The following KCNK5 variants were observed in gnomAD, a reference collection of about 807,000 sequenced individuals.
KCNK5 encodes the protein potassium channel subfamily K member 5.
A neutral mutation model predicts 32.9 loss-of-function variants in KCNK5; 18 were observed. The ratio of observed to expected loss-of-function variants is 0.55; its 90% CI spans 0.38 to 0.81. The LOEUF (loss-of-function observed/expected upper bound fraction) is 0.81, where lower values mean the gene tolerates loss of function less well. KCNK5 is among the 30% of genes least tolerant of loss of function. The pLI is 0.00. For missense variants in KCNK5, 507 were observed against 651.0 expected (o/e 0.78, Z 2.41); for synonymous variants, 276 against 275.3 (o/e 1.00, Z -0.03).
intron 1 of KCNK5, among the ~76,000 whole-genome samples, chr6:39,200,190 G>T (rs113246834): frequency 1.2e-4 from 18 of 152,296 alleles, no homozygotes; most frequent in African/African-American, 3.8e-4. Flanking sequence ...CTGTTCACTG[G>T]CTGGATTCTT....
At chr6:39,224,127 A>G (rs1412589763) in intron 1 of KCNK5, among the ~76,000 whole-genome samples, 1 of 151,336 alleles carries the variant, frequency 6.6e-6, no homozygotes, top group Admixed American at 6.6e-5. Flanking sequence ...TGAGTGGAAC[A>G]TAAATAAGAA....
chr6:39,225,823 C>A (rs771211772), intron 1 of KCNK5, among the ~76,000 whole-genome samples: 7 of 152,200 alleles, frequency 4.6e-5, no homozygotes, highest in Non-Finnish European at 1.0e-4. Flanking sequence ...CCCGTCCCGC[C>A]CCATAGGCTG....
chr6:39,211,248 CTA>C (rs1266938253), intron 1 of KCNK5, among the ~76,000 whole-genome samples: 1 of 152,248 alleles, frequency 6.6e-6, no homozygotes, highest in East Asian at 1.9e-4. Flanking sequence ...AATCTGGAGA[CTA>C]TGAGCAACAA....
At chr6:39,207,459 G>T (rs1034444624) in intron 1 of KCNK5, among the ~76,000 whole-genome samples, 5 of 152,172 alleles carry the variant, frequency 3.3e-5, no homozygotes, top group African/African-American at 9.7e-5. Flanking sequence ...CTCCACTGGA[G>T]AAGGCAGGGA....
Position 39,229,433 on chromosome 6 carries a change from G to A in KCNK5, c.-322C>T, listed in dbSNP as rs1771731589. 6 of 297,676 alleles carry A rather than the reference G, an allele frequency of 2.0e-5. No individual in the cohort carries two copies. The highest frequency in any genetic ancestry group is 4.9e-5 in the South Asian group (1 of 20,360). 18.4% of individuals were successfully genotyped at this position (297,676 alleles called of 1,614,324 possible). A position where few individuals can be genotyped will look rare whatever the true frequency, so the allele number is the denominator to read the frequency against. The stretch of plus-strand genomic sequence containing the variant: ...TTGACTCTGGGCAGACACGTGGGCC[G>A]CTTCTCCACGCGTCGCTCCTCCGCG... On this transcript the variant is annotated 5_prime_UTR_variant, in exon 1 of 5. Transcript: ENST00000359534.
chr6:39,190,872 TG>T lies in KCNK5; in HGVS notation c.*17del. On this transcript the variant is annotated 3_prime_UTR_variant, in exon 5 of 5. Transcript: ENST00000359534. Reference sequence around the variant, plus strand: ...GGGGAAGAGGCCATCAAAGGTGGGGTGGGGAGCCGGCCCTGCCTCATGTGCC... The same window carrying T: ...GGGGAAGAGGCCATCAAAGGTGGGGTGGGAGCCGGCCCTGCCTCATGTGCC... The T allele has an allele frequency of 6.9e-7, 1 of 1,453,984 alleles. No homozygotes were observed. The highest frequency in any genetic ancestry group is 1.8e-4 in the Middle Eastern group (1 of 5,494). The allele number at this position is 1,453,984 out of a possible 1,614,324, so 90.1% of individuals were successfully genotyped here.
intron 1 of KCNK5, among the ~76,000 whole-genome samples, chr6:39,207,895 T>A (rs1040478832): frequency 1.3e-5 from 2 of 152,040 alleles, no homozygotes; most frequent in Non-Finnish European, 2.9e-5. Context: ...GACTCCTACC[T>A]CCCTGGGAGG....
chr6:39,227,051 C>T (rs996863791), intron 1 of KCNK5, among the ~76,000 whole-genome samples: 3 of 152,064 alleles, frequency 2.0e-5, no homozygotes, highest in East Asian at 3.9e-4. Flanking sequence ...CTTAAGAAGC[C>T]GTCTAGCCTC....
At chr6:39,221,257 CTGTGGCCCCCACAG>C (rs1214308471) in intron 1 of KCNK5, among the ~76,000 whole-genome samples, 1 of 152,154 alleles carries the variant, frequency 6.6e-6, no homozygotes, top group Non-Finnish European at 1.5e-5. Context: ...CTCCCACAGC[CTGTGGCCCCCACAG>C]CCTGTGGCCA....
intron 1 of KCNK5, among the ~76,000 whole-genome samples, chr6:39,198,162 A>G (rs1771060801): frequency 6.6e-6 from 1 of 152,246 alleles, no homozygotes; most frequent in South Asian, 2.1e-4. Context: ...ATCCATCTAG[A>G]TATCAGCAAG....
rs1771569343 is a variant in KCNK5 at position 39,222,379 on chromosome 6, C to A, written c.186+6547G>T. Among the ~76,000 whole-genome samples the A allele has an allele frequency of 2.0e-5, 3 of 152,218 alleles. No homozygotes were observed. The South Asian group carries it at 6.2e-4, about 32-fold the overall frequency. ...GGGGGTGTCCTTATCAGAACACCCA[C>A]AGAGTGAAGGGATCAGCCCACAGAA... On this transcript the variant is annotated intron_variant, in intron 1 of 4. Transcript: ENST00000359534.
intron 1 of KCNK5, among the ~76,000 whole-genome samples, chr6:39,203,644 C>T (rs1341783741): frequency 6.6e-6 from 1 of 152,206 alleles, no homozygotes; most frequent in Non-Finnish European, 1.5e-5. Context: ...CCAGCCCCCA[C>T]CCAGCGTGAA....
intron 1 of KCNK5, among the ~76,000 whole-genome samples, chr6:39,214,299 A>G (rs1771392612): frequency 6.6e-6 from 1 of 152,186 alleles, no homozygotes. Flanking sequence ...TCACCAGGCA[A>G]CCTACTGACC....
intron 1 of KCNK5, among the ~76,000 whole-genome samples, chr6:39,218,539 G>A (rs892354515): frequency 6.6e-6 from 1 of 152,000 alleles, no homozygotes; most frequent in Non-Finnish European, 1.5e-5. Flanking sequence ...GAATGGGATG[G>A]CATCCATTTG....
At chr6:39,202,256 T>C (rs1251096004) in intron 1 of KCNK5, among the ~76,000 whole-genome samples, 1 of 152,200 alleles carries the variant, frequency 6.6e-6, no homozygotes, top group Non-Finnish European at 1.5e-5. Context: ...CCCCAACCAC[T>C]TCCAGCATCG....
chr6:39,194,304 T>C lies in KCNK5; in HGVS notation c.499A>G (p.Ile167Val), dbSNP rs1562050335. ...AGGTGGACTAGGACGCCCCACACGATGAAGATGACTGTGCACGTGATCTGC... is the reference window on the plus strand; with the variant it reads ...AGGTGGACTAGGACGCCCCACACGACGAAGATGACTGTGCACGTGATCTGC... ...KAQITCTVIF[I>V]VWGVLVHLVI... The change falls in exon 4 of 5, where the codon ATC becomes GTC. Residue 167 changes from isoleucine to valine, a missense_variant. Around this residue, in one of 6 missense-constraint regions of KCNK5, gnomAD observed 143 missense variants for 219.1 expected, o/e 0.65. Coordinates refer to ENST00000359534, the MANE Select transcript of KCNK5 (RefSeq NM_003740.4). The surrounding 1 kb of genome is among the most constrained non-coding windows in gnomAD (Gnocchi z 4.7). The C allele has an allele frequency of 6.2e-7, 1 of 1,613,066 alleles. No individual in the cohort carries two copies. The highest frequency in any genetic ancestry group is 8.5e-7 in the Non-Finnish European group (1 of 1,179,436).
intron 1 of KCNK5, among the ~76,000 whole-genome samples, chr6:39,223,889 T>C (rs936362038): frequency 6.6e-6 from 1 of 152,070 alleles, no homozygotes; most frequent in Non-Finnish European, 1.5e-5. Context: ...AAAGCAACAA[T>C]CATCACCTCC....
chr6:39,191,761 C>A lies in KCNK5; in HGVS notation c.635-6G>T. 6.2e-7 allele frequency: 1 copy of A among 1,607,170 alleles called. No individual in the cohort carries two copies. Among genetic ancestry groups the A allele is most frequent in the Non-Finnish European group, 8.5e-7 (1 of 1,175,432 alleles). ...GTTGGCGCTGGGGTTCACACCTGAG[C>A]GGACAGGCAGTCCAGAGGTCAGGAA... On this transcript the variant is annotated splice_region_variant and splice_polypyrimidine_tract_variant and intron_variant, in intron 4 of 4. Transcript: ENST00000359534. This position sits in a 1 kb window ranked among gnomAD's most constrained non-coding sequence, Gnocchi z 5.8.
intron 1 of KCNK5, among the ~76,000 whole-genome samples, chr6:39,218,377 A>C (rs1173058373): frequency 1.3e-5 from 2 of 152,128 alleles, no homozygotes; most frequent in Admixed American, 1.3e-4. Context: ...CCTATGGGCC[A>C]TTTTAAAAGG....
Sources: allele counts gnomAD v4.1 joint callset (sites outside exome capture counted in the v4.1 genomes callset), GRCh38; gene constraint gnomAD v4.1.1; regional missense constraint gnomAD v4.1.1; non-coding constraint Gnocchi (gnomAD v3.1); transcripts MANE v1.5; gene names NCBI Gene and HGNC (gene_info 2026-07-23, HGNC 2026-07-21).